PTPRT: variants seen among roughly 807,000 people sequenced by gnomAD.
PTPRT encodes the protein receptor-type tyrosine-protein phosphatase T.
PTPRT carries 56 observed loss-of-function variants against 176.8 expected under a neutral mutation model. The ratio of observed to expected loss-of-function variants is 0.32; its 90% CI spans 0.26 to 0.40. The LOEUF (loss-of-function observed/expected upper bound fraction) is 0.40, where lower values mean the gene tolerates loss of function less well. Ranked by LOEUF, PTPRT falls within the 10% of genes least tolerant of loss-of-function variation. The probability of loss-of-function intolerance (pLI) is 1.00; values close to 1 mark genes in which losing one functional copy is unlikely to be tolerated. For synonymous variants in PTPRT, 783 were observed against 739.0 expected, an observed-to-expected ratio of 1.06 and a Z score of -0.96; for missense variants, 1,540 against 1,908.2, an observed-to-expected ratio of 0.81 and a Z score of 3.60.
At chr20:42,691,507 A>C (rs1221308108) in intron 6 of PTPRT, among the ~76,000 whole-genome samples, 1 of 152,226 alleles carries the variant, frequency 6.6e-6, no homozygotes, top group African/African-American at 2.4e-5. Flanking sequence ...CTGAAGTGTC[A>C]GGAAGGGGTG....
At chr20:42,761,641 G>A (rs2076917481) in intron 5 of PTPRT, among the ~76,000 whole-genome samples, 1 of 152,176 alleles carries the variant, frequency 6.6e-6, no homozygotes, top group South Asian at 2.1e-4. Flanking sequence ...GAGGCAGAGA[G>A]CGGTCAAGCA....
chr20:42,190,501 T>C (rs1990961849), intron 16 of PTPRT, among the ~76,000 whole-genome samples: 2 of 152,190 alleles, frequency 1.3e-5, no homozygotes, highest in African/African-American at 4.8e-5. Flanking sequence ...AGGCCATAAT[T>C]CTACTATCAT....
chr20:43,091,811 G>A (rs1418392019), intron 1 of PTPRT, among the ~76,000 whole-genome samples: 1 of 152,116 alleles, frequency 6.6e-6, no homozygotes, highest in African/African-American at 2.4e-5. Flanking sequence ...TTCACAGCGT[G>A]CAATTGAACA....
At chr20:42,154,754 T>C (rs1483870361) in intron 17 of PTPRT, among the ~76,000 whole-genome samples, 10 of 152,154 alleles carry the variant, frequency 6.6e-5, no homozygotes, top group Non-Finnish European at 2.9e-5. Flanking sequence ...ATGGCAGCAG[T>C]TACATGGGAC....
chr20:42,605,436 G>C (rs576956347), intron 7 of PTPRT, among the ~76,000 whole-genome samples: 36 of 152,186 alleles, frequency 2.4e-4, no homozygotes, highest in Non-Finnish European at 5.0e-4. Flanking sequence ...CTCCCTGCTG[G>C]TGTTAATTTA....
chr20:42,725,009 T>TTGTGTGTGTG (rs147376328), intron 6 of PTPRT, among the ~76,000 whole-genome samples: 15 of 134,042 alleles, frequency 1.1e-4, no homozygotes, highest in African/African-American at 3.7e-4. Flanking sequence ...TGGACATCTT[T>TTGTGTGTGTG]TGTGTGTGTG....
In PTPRT at chr20:43,006,121, C is replaced by T. The variant is rs192545473; in HGVS notation, c.89-120189G>A. 2.6e-5 allele frequency among the ~76,000 whole-genome samples: 4 copies of T among 152,246 alleles called. No homozygotes were observed. In the East Asian group the frequency reaches 7.7e-4, roughly 29 times the overall value. ...AAATGAGTCATGGTTTGTCTTCTTTCATATATTTCCTACGTTTTCCACCTC... is the reference window on the plus strand; with the variant it reads ...AAATGAGTCATGGTTTGTCTTCTTTTATATATTTCCTACGTTTTCCACCTC... On this transcript the variant is annotated intron_variant, in intron 1 of 30. Coordinates refer to ENST00000373187, the MANE Select transcript of PTPRT (RefSeq NM_007050.6).
chr20:42,703,822 G>A (rs3092232), intron 6 of PTPRT, among the ~76,000 whole-genome samples: 3,653 of 152,156 alleles, frequency 0.024, 173 homozygotes, highest in African/African-American at 0.084. Flanking sequence ...AGCTCTCTGC[G>A]GCTTCCTACT....
At chr20:43,181,887 G>A (rs1318216708) in intron 1 of PTPRT, among the ~76,000 whole-genome samples, 1 of 152,116 alleles carries the variant, frequency 6.6e-6, no homozygotes, top group Non-Finnish European at 1.5e-5. Flanking sequence ...CTCTCAAGGA[G>A]GTCTGGAGGT....
chr20:42,644,239 C>A (rs920913422), intron 7 of PTPRT, among the ~76,000 whole-genome samples: 1 of 152,124 alleles, frequency 6.6e-6, no homozygotes, highest in Non-Finnish European at 1.5e-5. Context: ...CTCTTAGGGC[C>A]TGCAGCCTCC....
intron 1 of PTPRT, among the ~76,000 whole-genome samples, chr20:42,959,825 T>A (rs897135618): frequency 1.5e-4 from 23 of 151,984 alleles, no homozygotes; most frequent in South Asian, 1.5e-3. Flanking sequence ...ATTTCCTAAG[T>A]CCTTAGGGGG....
At chr20:43,006,499 T>C (rs1362829030) in intron 1 of PTPRT, among the ~76,000 whole-genome samples, 1 of 152,178 alleles carries the variant, frequency 6.6e-6, no homozygotes, top group Non-Finnish European at 1.5e-5. Flanking sequence ...CTCTGGTCTC[T>C]CCATCAGTGT....
At chr20:42,865,089 A>T (rs977457673) in intron 2 of PTPRT, among the ~76,000 whole-genome samples, 1 of 152,218 alleles carries the variant, frequency 6.6e-6, no homozygotes, top group African/African-American at 2.4e-5. Flanking sequence ...GACTCTCTTC[A>T]TTCCTGTATT....
At chr20:42,299,198 T>TA (rs902866550) in intron 12 of PTPRT, among the ~76,000 whole-genome samples, 1 of 152,204 alleles carries the variant, frequency 6.6e-6, no homozygotes, top group African/African-American at 2.4e-5. Flanking sequence ...GCTAGGCTTT[T>TA]AGAACCACGT....
At chr20:42,491,518 C>A (rs994586620) in intron 7 of PTPRT, among the ~76,000 whole-genome samples, 1 of 152,098 alleles carries the variant, frequency 6.6e-6, no homozygotes, top group Non-Finnish European at 1.5e-5. Flanking sequence ...AGAGGTGGAG[C>A]CTTTAGGGGT....
intron 1 of PTPRT, among the ~76,000 whole-genome samples, chr20:42,894,695 G>A (rs1228007679): frequency 1.3e-5 from 2 of 152,200 alleles, no homozygotes; most frequent in Admixed American, 6.5e-5. Flanking sequence ...ATAAGTGGCT[G>A]CACAGTTCTT....
At chr20:42,504,489 AAAATC>A (rs2071809579) in intron 7 of PTPRT, among the ~76,000 whole-genome samples, 3 of 152,188 alleles carry the variant, frequency 2.0e-5, no homozygotes, top group African/African-American at 7.2e-5. Flanking sequence ...ACTGAAAATT[AAAATC>A]TTATTTTAAT....
chr20:42,168,604 T>C (rs1008369673), intron 16 of PTPRT, among the ~76,000 whole-genome samples: 1 of 152,228 alleles, frequency 6.6e-6, no homozygotes, highest in Admixed American at 6.5e-5. Flanking sequence ...CAGGAAGATA[T>C]ATATTTCAAC....
chr20:42,495,600 T>C (rs1029542097), intron 7 of PTPRT, among the ~76,000 whole-genome samples: 6 of 152,184 alleles, frequency 3.9e-5, no homozygotes, highest in African/African-American at 7.2e-5. Flanking sequence ...GCAAAGCCTC[T>C]TTCAGTTTTC....
Sources: allele counts gnomAD v4.1 joint callset (sites outside exome capture counted in the v4.1 genomes callset), GRCh38; gene constraint gnomAD v4.1.1; transcripts MANE v1.5; gene names NCBI Gene and HGNC (gene_info 2026-07-23, HGNC 2026-07-21).